Variants in GJB7 observed in about 807,000 individuals in gnomAD.
GJB7 encodes gap junction beta-7 protein.
For missense variants in GJB7, 253 were observed against 256.8 expected (o/e 0.99, Z 0.10); for synonymous variants, 87 against 95.2 (o/e 0.91, Z 0.50).
chr6:87,298,897 G>A (rs1030053446), intron 2 of GJB7: 3 of 417,878 alleles, frequency 7.2e-6, no homozygotes, highest in African/African-American at 6.2e-5. Context: ...GCTTCAGGGT[G>A]TAGACTTTTT....
At chr6:87,305,923 G>C (rs973529418) in intron 2 of GJB7, among the ~76,000 whole-genome samples, 2 of 152,106 alleles carry the variant, frequency 1.3e-5, no homozygotes, top group Admixed American at 6.5e-5. Context: ...ACAAGCAATG[G>C]GGAAAGGATT....
chr6:87,309,734 A>G (rs992377730), intron 2 of GJB7, among the ~76,000 whole-genome samples: 6 of 152,202 alleles, frequency 3.9e-5, no homozygotes, highest in African/African-American at 9.7e-5. Context: ...GGTGGCTGTA[A>G]GACAGTGAAT....
At chr6:87,300,849 G>A (rs1463916675) in intron 2 of GJB7, among the ~76,000 whole-genome samples, 4 of 152,080 alleles carry the variant, frequency 2.6e-5, no homozygotes, top group Admixed American at 1.3e-4. Flanking sequence ...TACAAACTAG[G>A]AAAATATCCA....
intron 2 of GJB7, among the ~76,000 whole-genome samples, chr6:87,317,055 T>C (rs562993633): frequency 6.6e-6 from 1 of 152,256 alleles, no homozygotes; most frequent in East Asian, 1.9e-4. Context: ...TGCAAATCAC[T>C]TTATATTGAA....
intron 2 of GJB7, among the ~76,000 whole-genome samples, chr6:87,295,747 G>A (rs1248613565): frequency 1.3e-5 from 2 of 152,166 alleles, no homozygotes; most frequent in East Asian, 1.9e-4. Context: ...CAGAGCCACC[G>A]CTCTGGTCCC....
At chr6:87,293,788 A>G (rs1021704932) in intron 2 of GJB7, among the ~76,000 whole-genome samples, 3 of 152,230 alleles carry the variant, frequency 2.0e-5, no homozygotes, top group South Asian at 2.1e-4. Context: ...CACTAACCCA[A>G]ACAAAGGTAG....
intron 2 of GJB7, among the ~76,000 whole-genome samples, chr6:87,303,911 G>A (rs961572756): frequency 1.3e-5 from 2 of 152,156 alleles, no homozygotes; most frequent in Non-Finnish European, 2.9e-5. Context: ...TGAACAACCT[G>A]CCCCTGAATG....
intron 2 of GJB7, among the ~76,000 whole-genome samples, chr6:87,315,795 C>CAAAAAAAAAAAAAAAAA (rs1161194601): frequency 2.8e-5 from 2 of 72,354 alleles, no homozygotes; most frequent in Non-Finnish European, 6.1e-5. Context: ...GACTCTATCT[C>CAAAAAAAAAAAAAAAAA]AAAAAAAAAA....
At chr6:87,311,400 G>A (rs1145712) in intron 2 of GJB7, among the ~76,000 whole-genome samples, 81,866 of 151,994 alleles carry the variant, frequency 0.54, 22,790 homozygotes, top group Non-Finnish European at 0.62. Context: ...AGAATGGGTA[G>A]ATACATTGGG....
chr6:87,314,331 T>C (rs1776552799), intron 2 of GJB7, among the ~76,000 whole-genome samples: 2 of 152,176 alleles, frequency 1.3e-5, no homozygotes, highest in Admixed American at 1.3e-4. Flanking sequence ...GGCCCCTCTC[T>C]ATCTCAGAGG....
intron 1 of GJB7, among the ~76,000 whole-genome samples, chr6:87,323,719 A>G (rs1250932241): frequency 6.6e-6 from 1 of 152,106 alleles, no homozygotes; most frequent in East Asian, 1.9e-4. Context: ...ATTGTGAATA[A>G]TGCCGCAATA....
intron 2 of GJB7, among the ~76,000 whole-genome samples, chr6:87,304,698 C>G (rs1739888): frequency 0.37 from 56,351 of 151,960 alleles, 12,049 homozygotes; most frequent in Non-Finnish European, 0.48. Flanking sequence ...ATCCTGATAC[C>G]AAAGCCTGGC....
At position 87,284,933 on chromosome 6, in the gene GJB7, C is replaced by T. The variant is rs1776035699; in HGVS notation, c.-21G>A. 1 of 1,570,334 alleles carries T rather than the reference C, an allele frequency of 6.4e-7. No homozygotes were observed. Among genetic ancestry groups the T allele is most frequent in the South Asian group, 1.1e-5 (1 of 88,316 alleles). On this transcript the variant is annotated 5_prime_UTR_variant, in exon 3 of 3. Coordinates refer to ENST00000525899, the MANE Select transcript of GJB7 (RefSeq NM_198568.3). The stretch of plus-strand genomic sequence containing the variant: ...CTCATGACTTAGGCTCAAAAGAAGG[C>T]AAGACTCTGCAAAATAAGACAATTT...
At chr6:87,323,734 T>TA (rs1422716979) in intron 1 of GJB7, among the ~76,000 whole-genome samples, 1 of 152,126 alleles carries the variant, frequency 6.6e-6, no homozygotes, top group East Asian at 1.9e-4. Flanking sequence ...GCAATAAACA[T>TA]ACGTGTGCTT....
intron 1 of GJB7, among the ~76,000 whole-genome samples, 191 bp from the exon 2 acceptor site, chr6:87,323,234 C>T (rs1031947826): frequency 2.6e-5 from 4 of 151,994 alleles, no homozygotes; most frequent in Admixed American, 6.6e-5. Flanking sequence ...GACAGTACTA[C>T]ATCCAAGAGG....
intron 1 of GJB7, among the ~76,000 whole-genome samples, chr6:87,327,883 C>A (rs1486446712): frequency 5.6e-4 from 84 of 150,116 alleles, no homozygotes; most frequent in Non-Finnish European, 6.7e-4. Flanking sequence ...CCGTCACTTT[C>A]AGGTACACCA....
At chr6:87,292,984 A>G (rs1443509083) in intron 2 of GJB7, among the ~76,000 whole-genome samples, 2 of 152,218 alleles carry the variant, frequency 1.3e-5, no homozygotes, top group East Asian at 1.9e-4. Flanking sequence ...ATATATCCAT[A>G]TATGCAATCC....
At chr6:87,314,350 T>A (rs1776553106) in intron 2 of GJB7, among the ~76,000 whole-genome samples, 1 of 152,124 alleles carries the variant, frequency 6.6e-6, no homozygotes, top group South Asian at 2.1e-4. Context: ...GGGCTCCCCT[T>A]TTTTCCCTCC....
At chr6:87,313,220 A>G (rs1776534900) in intron 2 of GJB7, among the ~76,000 whole-genome samples, 2 of 152,216 alleles carry the variant, frequency 1.3e-5, no homozygotes, top group South Asian at 4.1e-4. Context: ...GTATCAAGGA[A>G]CAGGAGAAGA....
Sources: allele counts gnomAD v4.1 joint callset (sites outside exome capture counted in the v4.1 genomes callset), GRCh38; gene constraint gnomAD v4.1.1; transcripts MANE v1.5; gene names NCBI Gene and HGNC (gene_info 2026-07-23, HGNC 2026-07-21).